Variants in KCNT1 observed in about 807,000 individuals in gnomAD.
The protein encoded by KCNT1 is potassium channel subfamily T member 1.
A neutral mutation model predicts 147.8 loss-of-function variants in KCNT1; 78 were observed. The ratio of observed to expected loss-of-function variants is 0.53; its 90% confidence interval spans 0.44 to 0.64. The LOEUF (loss-of-function observed/expected upper bound fraction) is 0.64. Among genes scored for constraint, KCNT1 ranks in the 30% least tolerant of loss-of-function variants. The pLI, the probability that KCNT1 is intolerant of heterozygous loss-of-function variation, is 0.00. For missense variants in KCNT1, 1,419 were observed against 1,750.3 expected (o/e 0.81, Z 3.38); for synonymous variants, 867 against 748.8 (o/e 1.16, Z -2.58).
At chr9:135,712,154 C>A in intron 1 of KCNT1, among the ~76,000 whole-genome samples, 1 of 152,238 alleles carries the variant, frequency 6.6e-6, no homozygotes, top group Middle Eastern at 3.4e-3. Flanking sequence ...TGGGCTGCCC[C>A]GGCCTTGTCT....
At chr9:135,750,512 C>A (rs925014463) in intron 3 of KCNT1, 3 of 458,428 alleles carry the variant, frequency 6.5e-6, no homozygotes, top group Admixed American at 3.4e-5. Flanking sequence ...CCACGCCCTG[C>A]CTCCCACCCC....
intron 12 of KCNT1, 136 bp from the exon 13 acceptor site, chr9:135,765,478 GCCCCTCTTTT>G: frequency 1.1e-6 from 1 of 946,142 alleles, no homozygotes; most frequent in Non-Finnish European, 1.5e-6. Flanking sequence ...CCCTGCGGGG[GCCCCTCTTTT>G]CCCTCCCACC....
At chr9:135,719,590 A>G (rs1333601134) in intron 2 of KCNT1, among the ~76,000 whole-genome samples, 1 of 152,170 alleles carries the variant, frequency 6.6e-6, no homozygotes, top group Non-Finnish European at 1.5e-5. Context: ...CACCGGGGCC[A>G]CTGAAGCCAC....
intron 1 of KCNT1, among the ~76,000 whole-genome samples, chr9:135,707,147 A>G (rs73667694): frequency 0.019 from 2,868 of 152,108 alleles, 103 homozygotes; most frequent in East Asian, 0.14. Context: ...TTAAAAATTA[A>G]GATCAGATAA....
In KCNT1 at chr9:135,774,356, C is replaced by T. The variant is rs556930107; in HGVS notation, c.2244-954C>T. On this transcript the variant is annotated intron_variant, in intron 19 of 30. Transcript: ENST00000371757. Reference sequence around the variant, plus strand: ...GTGTGTTGTGTGTCCGTGTGTGGTGCGTGTTGTGTCTGTGTGTGGTGTGTG... The same window carrying T: ...GTGTGTTGTGTGTCCGTGTGTGGTGTGTGTTGTGTCTGTGTGTGGTGTGTG... Among the ~76,000 whole-genome samples, 93 of 110,800 alleles carry T rather than the reference C, an allele frequency of 8.4e-4. 1 individual carries two copies. The highest frequency in any genetic ancestry group is 8.6e-3 in the Middle Eastern group (1 of 116). 72.7% of individuals were successfully genotyped at this position (110,800 alleles called of 152,430 possible).
At chr9:135,726,419 G>C (rs1836142151) in intron 2 of KCNT1, among the ~76,000 whole-genome samples, 1 of 152,062 alleles carries the variant, frequency 6.6e-6, no homozygotes, top group South Asian at 2.1e-4. Flanking sequence ...CCTGAGCTCA[G>C]AGCTCCCCCT....
At chr9:135,764,908 A>T in intron 11 of KCNT1, 123 bp from the exon 12 acceptor site, 1 of 982,384 alleles carries the variant, frequency 1.0e-6, no homozygotes, top group Non-Finnish European at 1.5e-6. Flanking sequence ...TGTAGGTGTC[A>T]CCCCCCGGCC....
intron 2 of KCNT1, among the ~76,000 whole-genome samples, chr9:135,741,742 G>C (rs1191045009): frequency 1.3e-5 from 2 of 152,254 alleles, no homozygotes; most frequent in Non-Finnish European, 2.9e-5. Flanking sequence ...CCCCAGGCTG[G>C]CTTCCTCCTT....
intron 19 of KCNT1, among the ~76,000 whole-genome samples, chr9:135,774,129 TTG>T (rs1832947466): frequency 6.6e-6 from 1 of 151,028 alleles, no homozygotes; most frequent in African/African-American, 2.4e-5. Context: ...GTGGTGTGTG[TTG>T]TGTGATATGT....
In KCNT1 at chr9:135,763,404, G is replaced by A. The variant is rs575555292; in HGVS notation, c.1036-1627G>A. On this transcript the variant is annotated intron_variant, in intron 11 of 30. Transcript: ENST00000371757. ...GAGCGTCCTTCTGGAACACAGCAGC[G>A]CCGGCTGGGTCTCCTGGAAGTATCC... Among the ~76,000 whole-genome samples the A allele has an allele frequency of 7.9e-5, 12 of 152,372 alleles. No individual in the cohort carries two copies. In the South Asian group the frequency reaches 2.1e-3, roughly 26 times the overall value.
At chr9:135,791,464 G>A (rs372932695) in intron 29 of KCNT1, 43 of 310,820 alleles carry the variant, frequency 1.4e-4, no homozygotes, top group East Asian at 7.3e-4. Flanking sequence ...GCTGACGTAC[G>A]TGGCAGGTGT....
rs1429039180 is a variant in KCNT1, at chr9:135,756,904, C to T, written c.572C>T (p.Thr191Met). The T allele has an allele frequency of 2.0e-5, 32 of 1,613,184 alleles. No homozygotes were observed. The highest frequency in any genetic ancestry group is 2.3e-5 in the Non-Finnish European group (27 of 1,179,948). Residue 191 changes from threonine (T) to methionine (M), a missense_variant, in exon 7 of 31, where the codon ACG becomes ATG. Around this residue, in one of 5 missense-constraint regions of KCNT1, gnomAD observed 401 missense variants for 610.6 expected, o/e 0.66. Transcript: ENST00000371757. The stretch of plus-strand genomic sequence containing the variant: ...GTGGCCATAATAAGCTTCCTGGAGA[C>T]GATGCTTCTCATCTACCTCAGCTAC... ...VIVAIISFLE[T>M]MLLIYLSYKG...
intron 2 of KCNT1, among the ~76,000 whole-genome samples, chr9:135,726,875 T>G (rs1472973883): frequency 2.9e-5 from 1 of 34,806 alleles, no homozygotes; most frequent in African/African-American, 1.2e-4. Context: ...CTCTTTCCCA[T>G]TCTCTCTCTC....
chr9:135,774,475 G>A (rs559494361), intron 19 of KCNT1, among the ~76,000 whole-genome samples: 4 of 149,904 alleles, frequency 2.7e-5, no homozygotes, highest in East Asian at 2.0e-4. Context: ...TCCGTGTGTG[G>A]TACGTGTTGT....
chr9:135,705,102 G>C (rs1835198827), intron 1 of KCNT1, among the ~76,000 whole-genome samples: 1 of 152,238 alleles, frequency 6.6e-6, no homozygotes, highest in African/African-American at 2.4e-5. Flanking sequence ...GGGAGCTCTT[G>C]ATTAACACAG....
chr9:135,784,505 C>G (rs1445487083), intron 25 of KCNT1, 30 bp from the exon 26 acceptor site: 3 of 515,960 alleles, frequency 5.8e-6, no homozygotes, highest in South Asian at 5.1e-5. Context: ...CTCCCTCCCT[C>G]CCTCCCTCCC....
chr9:135,766,883 A>T (rs575626853), intron 13 of KCNT1: 1 of 152,262 alleles, frequency 6.6e-6, no homozygotes, highest in African/African-American at 2.4e-5. Context: ...AGTTCTAGGG[A>T]GGCTCAAAAT....
chr9:135,713,804 C>T (rs986102961), intron 1 of KCNT1, among the ~76,000 whole-genome samples: 5 of 152,204 alleles, frequency 3.3e-5, no homozygotes, highest in Non-Finnish European at 7.3e-5. Context: ...GATGCAAGAC[C>T]CCTGGAAGAC....
Position 135,792,085 on chromosome 9 carries a change from C to T in KCNT1, c.3632C>T (p.Ser1211Phe). 1 of 1,604,484 alleles carries T rather than the reference C, an allele frequency of 6.2e-7. No homozygotes were observed. The highest frequency in any genetic ancestry group is 8.5e-7 in the Non-Finnish European group (1 of 1,179,594). ...CCCCTGGCTCACGTGGCCAGCAGCT[C>T]CCAGAGCCGGAAGAGCAGCTGCAGC... ...SDPLAHVASS[S>F]QSRKSSCSHK... is the part of the protein sequence containing the mutation. Residue 1211 changes from serine (S) to phenylalanine (F), a missense_variant, in exon 31 of 31, where the codon TCC (serine) becomes TTC (phenylalanine). By Grantham distance (155) the Ser-to-Phe change is radical (BLOSUM62 -2). Transcript: ENST00000371757.
Sources: allele counts gnomAD v4.1 joint callset (sites outside exome capture counted in the v4.1 genomes callset), GRCh38; gene constraint gnomAD v4.1.1; regional missense constraint gnomAD v4.1.1; transcripts MANE v1.5; gene names NCBI Gene and HGNC (gene_info 2026-07-23, HGNC 2026-07-21).